Variants in LRRC27 observed in about 807,000 individuals in gnomAD.
LRRC27 encodes leucine-rich repeat-containing protein 27.
A neutral mutation model predicts 55.0 loss-of-function variants in LRRC27; 57 were observed. That is an observed-to-expected ratio of 1.04 (90% CI 0.84 to 1.29). LRRC27 has a LOEUF of 1.29. LRRC27 is among the 50% of genes most tolerant of loss of function. The pLI is 0.00. For synonymous variants in LRRC27, 278 were observed against 251.9 expected (o/e 1.10, Z -0.98); for missense variants, 721 against 651.5 (o/e 1.11, Z -1.16).
Position 132,380,116 on chromosome 10 carries a change from G to A in LRRC27, c.*4874G>A, listed in dbSNP as rs1220997622. The stretch of plus-strand genomic sequence containing the variant: ...GTTCAAGACCAGCCTGGCCAACATG[G>A]AGAAACCCCGTGACTACTAAAAATA... On this transcript the variant is annotated 3_prime_UTR_variant, in exon 11 of 11. Transcript: ENST00000368614. Among the ~76,000 whole-genome samples, 2 of 152,076 alleles carry A rather than the reference G, an allele frequency of 1.3e-5. No homozygotes were observed. The highest frequency in any genetic ancestry group is 2.9e-5 in the Non-Finnish European group (2 of 68,010).
chr10:132,363,651 A>C (rs1005732432), intron 9 of LRRC27, among the ~76,000 whole-genome samples: 1 of 152,142 alleles, frequency 6.6e-6, no homozygotes, highest in African/African-American at 2.4e-5. Context: ...AAAGCGCCTC[A>C]CTGCACTCAG....
intron 7 of LRRC27, 97 bp downstream of exon 7, chr10:132,351,850 A>T (rs988212730): frequency 8.7e-5 from 119 of 1,367,960 alleles, no homozygotes; most frequent in Non-Finnish European, 1.1e-4. Flanking sequence ...GGAAGTGTTT[A>T]GTTAGTTCTC....
intron 8 of LRRC27, among the ~76,000 whole-genome samples, chr10:132,359,385 A>G (rs1352101529): frequency 6.6e-6 from 1 of 152,204 alleles, no homozygotes; most frequent in African/African-American, 2.4e-5. Flanking sequence ...TCCAGTTTCC[A>G]TGTCCATAAC....
At chr10:132,334,401 G>A (rs1405762869) in intron 2 of LRRC27, among the ~76,000 whole-genome samples, 2 of 152,130 alleles carry the variant, frequency 1.3e-5, no homozygotes, top group African/African-American at 4.8e-5. Flanking sequence ...GATATTGATT[G>A]ACTTTCTTTT....
chr10:132,345,519 A>G (rs1225527225), intron 5 of LRRC27, among the ~76,000 whole-genome samples: 1 of 152,246 alleles, frequency 6.6e-6, no homozygotes, highest in Non-Finnish European at 1.5e-5. Flanking sequence ...TAACCAGGTT[A>G]TAGTGGCTGC....
intron 9 of LRRC27, among the ~76,000 whole-genome samples, chr10:132,364,258 T>C (rs1004032724): frequency 1.3e-5 from 2 of 149,746 alleles, no homozygotes; most frequent in Non-Finnish European, 3.0e-5. Context: ...AGAGGCTGAG[T>C]GAGACTGTGT....
intron 4 of LRRC27, among the ~76,000 whole-genome samples, chr10:132,343,991 G>A (rs1167872670): frequency 6.6e-6 from 1 of 152,186 alleles, no homozygotes; most frequent in East Asian, 1.9e-4. Context: ...CACATTTGTG[G>A]AGTCCTTGTA....
intron 2 of LRRC27, chr10:132,337,290 A>G: frequency 2.4e-6 from 3 of 1,256,638 alleles, no homozygotes; most frequent in African/African-American, 1.5e-5. Flanking sequence ...TTTGGGATAG[A>G]AACAGTGGTG....
rs757085179 is a variant in LRRC27, at chr10:132,369,464, G to C, written c.1416+3914G>C. Among the ~76,000 whole-genome samples the C allele has an allele frequency of 4.6e-5, 7 of 152,312 alleles. No homozygotes were observed. In the South Asian group the frequency reaches 8.3e-4, roughly 18 times the overall value. ...TGAGCCGTCAGCAATGAGAAGACAC[G>C]GGGGAGCCGACATGCCAGCATGAAA... On this transcript the variant is annotated intron_variant, in intron 10 of 10. Coordinates refer to ENST00000368614, the MANE Select transcript of LRRC27 (RefSeq NM_030626.3).
chr10:132,342,911 A>G (rs1374916147), intron 4 of LRRC27, among the ~76,000 whole-genome samples: 1 of 152,210 alleles, frequency 6.6e-6, no homozygotes, highest in Non-Finnish European at 1.5e-5. Context: ...GACAGTATAA[A>G]AACAGACATG....
chr10:132,349,219 C>T (rs553814016), intron 6 of LRRC27, among the ~76,000 whole-genome samples: 5 of 152,146 alleles, frequency 3.3e-5, no homozygotes, highest in Non-Finnish European at 7.4e-5. Context: ...CAATGGCTTC[C>T]TGGGGGTGAA....
intron 8 of LRRC27, among the ~76,000 whole-genome samples, chr10:132,356,805 G>T (rs2068333088): frequency 1.3e-5 from 2 of 152,388 alleles, no homozygotes; most frequent in Admixed American, 1.3e-4. Context: ...TCCAGAATGC[G>T]CCTGGCTTGC....
chr10:132,331,295 T>C (rs2066717696), upstream of LRRC27: 3 of 778,622 alleles, frequency 3.9e-6, no homozygotes, highest in South Asian at 1.9e-5. Flanking sequence ...CAGAGGGTGC[T>C]ACTTTTCATT....
upstream of LRRC27, among the ~76,000 whole-genome samples, chr10:132,330,768 C>G (rs568396842): frequency 1.2e-3 from 177 of 151,114 alleles, no homozygotes; most frequent in African/African-American, 4.1e-3. Flanking sequence ...CCCTGGCCTC[C>G]CAAAGTGCTA....
Position 132,351,770 on chromosome 10 carries a change from TGG to T in LRRC27, c.1073+21_1073+22del, listed in dbSNP as rs934107741. On this transcript the variant is annotated intron_variant, in intron 7 of 10. Coordinates refer to ENST00000368614, the MANE Select transcript of LRRC27 (RefSeq NM_030626.3). ...GCAGAGACGGTGAGTCCACACAGGG[TGG>T]GGGTCCGCACAGCCCGCCCAGTGCA... 10 of 1,603,458 alleles carry T rather than the reference TGG, an allele frequency of 6.2e-6. No individual in the cohort carries two copies. Among genetic ancestry groups the T allele is most frequent in the Non-Finnish European group, 8.5e-6 (10 of 1,174,694 alleles).
rs1040962218 is a variant in LRRC27 at position 132,351,748 on chromosome 10, G to A, written c.1068G>A (p.Gln356=). The A allele has an allele frequency of 2.5e-6, 4 of 1,611,896 alleles. No homozygotes were observed. The highest frequency in any genetic ancestry group is 3.4e-6 in the Non-Finnish European group (4 of 1,179,176). ...LQEKQALMEQ[Q]RREKRALQEW... ...AGAAGCAGGCTCTGATGGAGCAGCA[G>A]AGACGGTGAGTCCACACAGGGTGGG... The change falls in exon 7 of 11, where the codon CAG becomes CAA. Residue 356 remains glutamine, a synonymous_variant. Transcript: ENST00000368614.
chr10:132,353,477 A>T, intron 7 of LRRC27: 1 of 923,838 alleles, frequency 1.1e-6, no homozygotes, highest in East Asian at 1.1e-4. Context: ...GATTGTCCAC[A>T]GCTGTCACCC....
chr10:132,342,457 A>G (rs902565059), intron 4 of LRRC27, among the ~76,000 whole-genome samples, 186 bp downstream of exon 4: 4 of 152,292 alleles, frequency 2.6e-5, no homozygotes, highest in Admixed American at 2.6e-4. Context: ...GTTCTTATGG[A>G]GGTGTGACGT....
At chr10:132,343,702 T>A (rs2067532376) in intron 4 of LRRC27, among the ~76,000 whole-genome samples, 6 of 152,246 alleles carry the variant, frequency 3.9e-5, no homozygotes, top group Admixed American at 2.6e-4. Flanking sequence ...TTAACCTACA[T>A]GTGAAAAGCG....
Sources: gnomAD v4.1 joint callset for allele counts (sites outside exome capture counted in the v4.1 genomes callset) on GRCh38, gnomAD v4.1.1 for gene constraint, MANE v1.5 for transcripts, NCBI Gene and HGNC (gene_info 2026-07-23, HGNC 2026-07-21) for gene names.